Variants in SASH1 observed in about 807,000 individuals in gnomAD.
SASH1 encodes the protein SAM and SH3 domain-containing protein 1.
SASH1 carries 44 observed loss-of-function variants against 125.2 expected under a neutral mutation model. That is an observed-to-expected ratio of 0.35 (90% confidence interval 0.28 to 0.45). The LOEUF (loss-of-function observed/expected upper bound fraction) is 0.45, where lower values mean the gene tolerates loss of function less well. SASH1 is among the 20% of genes least tolerant of loss of function. The pLI, the probability that SASH1 is intolerant of heterozygous loss-of-function variation, is 1.00. For synonymous variants in SASH1, 639 were observed against 649.1 expected (o/e 0.98, Z 0.24); for missense variants, 1,426 against 1,614.5 (o/e 0.88, Z 2.00).
At chr6:148,212,990 G>A in the SASH1 span, among the ~76,000 whole-genome samples, 6 of 152,282 alleles carry the variant, frequency 3.9e-5, no homozygotes, top group Admixed American at 6.5e-5. Context: ...CTCCTGGTAA[G>A]AACAAGATAG....
At chr6:148,335,910 T>C (rs1398684598) in intron 1 of SASH1, among the ~76,000 whole-genome samples, 1 of 152,142 alleles carries the variant, frequency 6.6e-6, no homozygotes, top group Non-Finnish European at 1.5e-5. Flanking sequence ...AAATTTCCTA[T>C]TTATAGATAC....
chr6:148,305,641 A>AAAG (rs1554232121), intron 1 of SASH1, among the ~76,000 whole-genome samples: 95 of 133,170 alleles, frequency 7.1e-4, no homozygotes, highest in African/African-American at 2.3e-3. Context: ...AAAAAAAAAA[A>AAAG]AAAGAAAGAA....
intron 4 of SASH1, among the ~76,000 whole-genome samples, chr6:148,458,726 G>A (rs1363569252): frequency 6.6e-6 from 1 of 152,152 alleles, no homozygotes; most frequent in Non-Finnish European, 1.5e-5. Flanking sequence ...AGCACTTAGG[G>A]AGGCCAAGGT....
At chr6:148,349,252 CTTTTTTTTT>C (rs11317386) in intron 1 of SASH1, among the ~76,000 whole-genome samples, 78 of 47,034 alleles carry the variant, frequency 1.7e-3, no homozygotes, top group African/African-American at 5.4e-3. Flanking sequence ...TTCTTTCTTT[CTTTTTTTTT>C]TTTTTTTTTT....
Position 148,529,798 on chromosome 6 carries a change from T to G in SASH1, c.1429-1728T>G, listed in dbSNP as rs1246600593. On this transcript the variant is annotated intron_variant, in intron 12 of 19. Coordinates refer to ENST00000367467, the MANE Select transcript of SASH1 (RefSeq NM_015278.5). The surrounding 1 kb of genome is among the most constrained non-coding windows in gnomAD (Gnocchi z 4.2). ...AATAATGGAAGGTTTTATGTGGTTG[T>G]TTTTTTTTTGTTTTTGTTTTTGTTT... Among the ~76,000 whole-genome samples, 6 of 146,086 alleles carry G rather than the reference T, an allele frequency of 4.1e-5. No homozygotes were observed. Among genetic ancestry groups the G allele is most frequent in the East Asian group, 2.1e-4 (1 of 4,840 alleles).
chr6:148,513,928 C>G (rs576767712), intron 8 of SASH1: 1 of 989,730 alleles, frequency 1.0e-6, no homozygotes, highest in Non-Finnish European at 1.2e-6. Context: ...CGTTAAACAG[C>G]AAGCCCTGAT....
At chr6:148,404,448 G>A (rs1285670235) in intron 2 of SASH1, among the ~76,000 whole-genome samples, 3 of 151,926 alleles carry the variant, frequency 2.0e-5, no homozygotes, top group East Asian at 1.9e-4. Flanking sequence ...AAATATAAAC[G>A]TCCAGGATCC....
At chr6:148,297,952 G>A (rs1350453573) in intron 1 of SASH1, among the ~76,000 whole-genome samples, 1 of 152,014 alleles carries the variant, frequency 6.6e-6, no homozygotes, top group African/African-American at 2.4e-5. Flanking sequence ...AAGGGAAATA[G>A]CATTCATTAA....
At chr6:148,364,351 A>G (rs904117279) in intron 1 of SASH1, among the ~76,000 whole-genome samples, 1 of 152,168 alleles carries the variant, frequency 6.6e-6, no homozygotes, top group East Asian at 1.9e-4. Flanking sequence ...CCACTGCTCC[A>G]CTTTCCTTTG....
Position 148,551,588 on chromosome 6 carries a change from A to C in SASH1, c.*3030A>C, listed in dbSNP as rs373705232. The C allele has an allele frequency of 3.3e-5, 5 of 152,476 alleles. 1 individual carries two copies. The allele number at this position is 152,476 out of a possible 1,614,324, so 9.4% of individuals were successfully genotyped here. A position where few individuals can be genotyped will look rare whatever the true frequency, so the allele number is the denominator to read the frequency against. On this transcript the variant is annotated 3_prime_UTR_variant, in exon 20 of 20. Transcript: ENST00000367467. ...TCTATTGGAAATCAGTTCCTGACAT[A>C]GTAAAGTTTGCTTTCATAACTGCAG...
At chr6:148,309,143 G>C (rs1264747488) in intron 1 of SASH1, among the ~76,000 whole-genome samples, 2 of 151,822 alleles carry the variant, frequency 1.3e-5, no homozygotes, top group South Asian at 4.2e-4. Flanking sequence ...GAATGGCTTG[G>C]TGCTTGTAGT....
chr6:148,512,674 A>AGG, intron 8 of SASH1: 1 of 985,140 alleles, frequency 1.0e-6, no homozygotes, highest in South Asian at 4.7e-5. Context: ...CATCCAGTGT[A>AGG]GCCTGTCCCC....
At chr6:148,419,023 A>G (rs1784937578) in intron 2 of SASH1, among the ~76,000 whole-genome samples, 1 of 152,116 alleles carries the variant, frequency 6.6e-6, no homozygotes, top group Non-Finnish European at 1.5e-5. Flanking sequence ...TCCCAACTTT[A>G]TAATATTTTT....
chr6:148,468,045 C>T (rs909799089), intron 4 of SASH1, among the ~76,000 whole-genome samples: 9 of 152,314 alleles, frequency 5.9e-5, no homozygotes, highest in East Asian at 1.9e-4. Flanking sequence ...GTGTACTGGC[C>T]GCCCCCTTTA....
chr6:148,540,979 C>T (rs954864589), intron 17 of SASH1, among the ~76,000 whole-genome samples: 1 of 152,092 alleles, frequency 6.6e-6, no homozygotes, highest in Non-Finnish European at 1.5e-5. Context: ...TGGATGGCCA[C>T]ATGTCTTGTT....
chr6:148,337,831 G>T (rs1054822823), intron 1 of SASH1, among the ~76,000 whole-genome samples: 6 of 152,162 alleles, frequency 3.9e-5, no homozygotes, highest in African/African-American at 1.4e-4. Flanking sequence ...ATGCATTATG[G>T]TGATAGTTTT....
chr6:148,453,148 G>C (rs749010693), intron 4 of SASH1, among the ~76,000 whole-genome samples: 76 of 152,326 alleles, frequency 5.0e-4, no homozygotes, highest in Admixed American at 8.5e-4. Flanking sequence ...CCCGGACACA[G>C]CTTGAGTCCG....
chr6:148,456,873 C>CAATAAT (rs56067798), intron 4 of SASH1, among the ~76,000 whole-genome samples: 1,928 of 142,282 alleles, frequency 0.014, 41 homozygotes, highest in African/African-American at 0.038. Context: ...TGTCTCATAA[C>CAATAAT]AATAATAATA....
chr6:148,298,356 G>T (rs894792085), intron 1 of SASH1, among the ~76,000 whole-genome samples: 5 of 151,986 alleles, frequency 3.3e-5, no homozygotes, highest in Non-Finnish European at 7.4e-5. Flanking sequence ...TTAATTAGGT[G>T]CAGTAGCTCA....
Sources: gnomAD v4.1 joint callset for allele counts (sites outside exome capture counted in the v4.1 genomes callset) on GRCh38, gnomAD v4.1.1 for gene constraint, Gnocchi (gnomAD v3.1) non-coding constraint, MANE v1.5 for transcripts, NCBI Gene and HGNC (gene_info 2026-07-23, HGNC 2026-07-21) for gene names.